Variants in GRB2 observed in about 807,000 individuals in gnomAD.
The protein encoded by GRB2 is growth factor receptor bound protein 2.
A neutral mutation model predicts 27.4 loss-of-function variants in GRB2; 2 were observed. That is an observed-to-expected ratio of 0.07 (90% CI 0.03 to 0.23). The LOEUF is 0.23. Ranked by LOEUF, GRB2 falls within the 10% of genes least tolerant of loss-of-function variation. GRB2 has a pLI of 1.00. For synonymous variants in GRB2, 94 were observed against 99.6 expected (o/e 0.94, Z 0.33); for missense variants, 102 against 282.4 (o/e 0.36, Z 4.58).
At chr17:75,332,055 C>T (rs906346752) in intron 3 of GRB2, among the ~76,000 whole-genome samples, 1 of 152,080 alleles carries the variant, frequency 6.6e-6, no homozygotes. Context: ...TGCTTCTGTG[C>T]TAGGAGCAGG....
intron 2 of GRB2, among the ~76,000 whole-genome samples, chr17:75,377,597 G>GAAAAAAAAAAAAAA (rs60003550): frequency 1.9e-5 from 1 of 53,190 alleles, no homozygotes; most frequent in Non-Finnish European, 3.2e-5. Context: ...CCCTGTCTCA[G>GAAAAAAAAAAAAAA]AAAAAAAAAA....
At chr17:75,374,490 G>T (rs1044029103) in intron 2 of GRB2, among the ~76,000 whole-genome samples, 21 of 151,984 alleles carry the variant, frequency 1.4e-4, no homozygotes, top group African/African-American at 4.8e-4. Flanking sequence ...AGCATTTTGG[G>T]AGGCCAAGGT....
intron 2 of GRB2, among the ~76,000 whole-genome samples, chr17:75,343,063 A>AAAAAAAAAAAAAAAAAGG (rs1567861729): frequency 7.1e-6 from 1 of 141,140 alleles, no homozygotes; most frequent in Non-Finnish European, 1.6e-5. Context: ...AAAAAAAAAA[A>AAAAAAAAAAAAAAAAAGG]GGTATAAGAT....
rs59384819 is a variant in GRB2 at position 75,403,075 on chromosome 17, CA to C, written c.-138+2413del. On this transcript the variant is annotated intron_variant, in intron 1 of 5. Transcript: ENST00000316804. ...GGGCAACAAGAGCGAGAATCTGTCT[CA>C]AAAAAAAAAAAAAAGGAAAAAGAAA... Among the ~76,000 whole-genome samples the C allele has an allele frequency of 4.4e-4, 19 of 43,172 alleles. No homozygotes were observed. In the East Asian group the frequency reaches 6.2e-3, roughly 14 times the overall value. The allele number at this position is 43,172 out of a possible 152,430, so 28.3% of individuals were successfully genotyped here.
intron 2 of GRB2, among the ~76,000 whole-genome samples, chr17:75,338,324 C>G (rs2078595343): frequency 6.6e-6 from 1 of 151,880 alleles, no homozygotes; most frequent in South Asian, 2.1e-4. Flanking sequence ...CTTGGCCTCC[C>G]AAAGTGCTGG....
chr17:75,382,382 G>A (rs1288641046), intron 2 of GRB2, among the ~76,000 whole-genome samples: 1 of 152,150 alleles, frequency 6.6e-6, no homozygotes, highest in African/African-American at 2.4e-5. Context: ...ATTAATACAG[G>A]TTGTATATCC....
At chr17:75,354,276 G>GGGA (rs2078715708) in intron 2 of GRB2, among the ~76,000 whole-genome samples, 1 of 122,238 alleles carries the variant, frequency 8.2e-6, no homozygotes, top group African/African-American at 2.9e-5. Flanking sequence ...GGGGGGGGGG[G>GGGA]GAGATGGAGT....
At chr17:75,342,921 C>T (rs568321498) in intron 2 of GRB2, among the ~76,000 whole-genome samples, 79 of 151,836 alleles carry the variant, frequency 5.2e-4, no homozygotes, top group African/African-American at 1.9e-3. Flanking sequence ...TGGTGGTGTG[C>T]ACATACAGTC....
At chr17:75,387,402 T>C (rs1323198924) in intron 2 of GRB2, 1 of 149,968 alleles carries the variant, frequency 6.7e-6, no homozygotes, top group Admixed American at 6.7e-5. Flanking sequence ...CAGTGAGCTA[T>C]GATGGCACCT....
At position 75,356,535 on chromosome 17, in the gene GRB2, T is replaced by G. The variant is rs576992110; in HGVS notation, c.79-23738A>C. ...GTTCTTTCATAAATATTAGTTTGCA[T>G]GTATAATTTACATATCTGCTACCTT... is the stretch of plus-strand genomic sequence containing the variant. On this transcript the variant is annotated intron_variant, in intron 2 of 5. Coordinates refer to ENST00000316804, the MANE Select transcript of GRB2 (RefSeq NM_002086.5). 2.0e-4 allele frequency among the ~76,000 whole-genome samples: 30 copies of G among 152,306 alleles called. No individual in the cohort carries two copies. In the South Asian group the frequency reaches 2.9e-3, roughly 15 times the overall value.
At chr17:75,321,900 G>A in intron 4 of GRB2, 73 bp from the exon 5 acceptor site, 1 of 1,408,494 alleles carries the variant, frequency 7.1e-7, no homozygotes, top group Non-Finnish European at 9.7e-7. Flanking sequence ...TTCCATATAG[G>A]AGCTATCTCG....
At chr17:75,345,193 C>A (rs2078647268) in intron 2 of GRB2, among the ~76,000 whole-genome samples, 1 of 152,034 alleles carries the variant, frequency 6.6e-6, no homozygotes, top group African/African-American at 2.4e-5. Context: ...CAGGCGCCCG[C>A]CACCACGCCT....
At chr17:75,387,841 C>T (rs1426170064) in intron 2 of GRB2, 2 of 151,766 alleles carry the variant, frequency 1.3e-5, no homozygotes, top group Non-Finnish European at 1.5e-5. Context: ...AACTTAGAAG[C>T]AATTCTACCA....
Position 75,393,717 on chromosome 17 carries a change from G to T in GRB2, c.-89C>A. 1 of 1,006,662 alleles carries T rather than the reference G, an allele frequency of 9.9e-7. No homozygotes were observed. Among genetic ancestry groups the T allele is most frequent in the Non-Finnish European group, 1.6e-6 (1 of 642,124 alleles). The allele number at this position is 1,006,662 out of a possible 1,614,324, so 62.4% of individuals were successfully genotyped here. A position where few individuals can be genotyped will look rare whatever the true frequency, so the allele number is the denominator to read the frequency against. Reference sequence around the variant, plus strand: ...AACCCAGCGCTCTGGGCTTAGCCTCGCCTCTCTTCTGGGACTCGCTCCGGC... The same window carrying T: ...AACCCAGCGCTCTGGGCTTAGCCTCTCCTCTCTTCTGGGACTCGCTCCGGC... On this transcript the variant is annotated 5_prime_UTR_variant, in exon 2 of 6. Coordinates refer to ENST00000316804, the MANE Select transcript of GRB2 (RefSeq NM_002086.5).
chr17:75,327,755 A>G (rs891500014), intron 3 of GRB2, among the ~76,000 whole-genome samples: 2 of 152,334 alleles, frequency 1.3e-5, no homozygotes, highest in South Asian at 4.1e-4. Flanking sequence ...GAAAGATGTG[A>G]TCTGCTAGGA....
At chr17:75,374,393 G>C (rs1331190380) in intron 2 of GRB2, among the ~76,000 whole-genome samples, 1 of 93,786 alleles carries the variant, frequency 1.1e-5, no homozygotes, top group African/African-American at 4.2e-5. Flanking sequence ...GACAGAGTAA[G>C]ACTCCATATC....
chr17:75,333,563 C>T (rs369709076), intron 2 of GRB2, among the ~76,000 whole-genome samples: 3 of 152,092 alleles, frequency 2.0e-5, no homozygotes, highest in Admixed American at 6.6e-5. Flanking sequence ...ATCTTCCAAC[C>T]GACCTCCAGA....
chr17:75,341,447 T>TA (rs61039194), intron 2 of GRB2, among the ~76,000 whole-genome samples: 2,008 of 110,170 alleles, frequency 0.018, 73 homozygotes, highest in African/African-American at 0.069. Context: ...GTGACTCCAT[T>TA]AAAAAAAAAA....
At chr17:75,362,615 A>G (rs1251330066) in intron 2 of GRB2, among the ~76,000 whole-genome samples, 1 of 152,260 alleles carries the variant, frequency 6.6e-6, no homozygotes, top group East Asian at 1.9e-4. Context: ...AAACAGAAAC[A>G]GAAGTTCTAT....
Sources: gnomAD v4.1 joint callset for allele counts (sites outside exome capture counted in the v4.1 genomes callset) on GRCh38, gnomAD v4.1.1 for gene constraint, MANE v1.5 for transcripts, NCBI Gene and HGNC (gene_info 2026-07-23, HGNC 2026-07-21) for gene names.